DEPDC1B: variants seen among roughly 807,000 people sequenced by gnomAD.
DEPDC1B encodes DEP domain containing 1B, also known as DEP domain-containing protein 1B.
A neutral mutation model predicts 66.5 loss-of-function variants in DEPDC1B; 51 were observed. That is an observed-to-expected ratio of 0.77 (90% CI 0.61 to 0.97). The LOEUF is 0.97. Among genes scored for constraint, DEPDC1B ranks in the 50% least tolerant of loss-of-function variants. The probability of loss-of-function intolerance (pLI) is 0.00; values close to 1 mark genes in which losing one functional copy is unlikely to be tolerated. For synonymous variants in DEPDC1B, 226 were observed against 223.6 expected (o/e 1.01, Z -0.10); for missense variants, 552 against 637.1 (o/e 0.87, Z 1.44).
intron 1 of DEPDC1B, among the ~76,000 whole-genome samples, chr5:60,698,891 C>T (rs952253899): frequency 6.6e-6 from 1 of 152,116 alleles, no homozygotes; most frequent in African/African-American, 2.4e-5. Context: ...GTCTCGAACT[C>T]CTGACCTCAA....
intron 2 of DEPDC1B, among the ~76,000 whole-genome samples, chr5:60,649,354 G>T (rs1584064143): frequency 6.6e-6 from 1 of 152,122 alleles, no homozygotes; most frequent in African/African-American, 2.4e-5. Flanking sequence ...TGTGACTGAA[G>T]AAATACCAGG....
chr5:60,618,699 T>C (rs1027743940), intron 7 of DEPDC1B, among the ~76,000 whole-genome samples: 3 of 152,236 alleles, frequency 2.0e-5, no homozygotes, highest in African/African-American at 7.2e-5. Flanking sequence ...AGCCAAATTC[T>C]ACCACAGGTA....
intron 1 of DEPDC1B, among the ~76,000 whole-genome samples, chr5:60,698,253 C>T (rs115659812): frequency 0.013 from 1,982 of 152,324 alleles, 27 homozygotes; most frequent in African/African-American, 0.035. Flanking sequence ...TGATTCTTCC[C>T]ATCCTCTCCA....
In DEPDC1B at chr5:60,603,434, T is replaced by A; in HGVS notation, c.1199A>T (p.Gln400Leu). 6.2e-7 allele frequency: 1 copy of A among 1,611,932 alleles called. No individual in the cohort carries two copies. Among genetic ancestry groups the A allele is most frequent in the East Asian group, 2.2e-5 (1 of 44,778 alleles). The change falls in exon 9 of 11, where the codon CAG becomes CTG. Residue 400 changes from glutamine (Q) to leucine (L), a missense_variant. Coordinates refer to ENST00000265036, the MANE Select transcript of DEPDC1B (RefSeq NM_018369.3). ...QEILKVPLALQTSIEERVAHL... is the reference protein window; with the variant it reads ...QEILKVPLALLTSIEERVAHL... ...AGCCACACGCTCCTCTATAGAGGTC[T>A]GCAAGGCCAAAGGGACTTTCAGAAT...
At chr5:60,640,711 G>C (rs907982556) in intron 6 of DEPDC1B, among the ~76,000 whole-genome samples, 2 of 152,184 alleles carry the variant, frequency 1.3e-5, no homozygotes, top group East Asian at 3.9e-4. Flanking sequence ...ATGGGCTGAA[G>C]AGAAAGAGGT....
chr5:60,605,856 C>A lies in DEPDC1B; in HGVS notation c.899G>T (p.Gly300Val), dbSNP rs1174293414. 1 of 1,602,424 alleles carries A rather than the reference C, an allele frequency of 6.2e-7. No homozygotes were observed. Among genetic ancestry groups the A allele is most frequent in the Middle Eastern group, 1.7e-4 (1 of 5,942 alleles). ...HLFDAFVSVL[G>V]LLQKEKVAVE... ...TGCCACTTTCTCCTTCTGTAACAAA[C>A]CTGATTTAGAAAAAAAAAAATGTTA... is the stretch of plus-strand genomic sequence containing the variant. The change falls in exon 8 of 11, where the codon GGT becomes GTT. Residue 300 changes from glycine (G) to valine (V), a missense_variant and splice_region_variant. Coordinates refer to ENST00000265036, the MANE Select transcript of DEPDC1B (RefSeq NM_018369.3).
chr5:60,599,969 G>C (rs1752171251), intron 9 of DEPDC1B, among the ~76,000 whole-genome samples: 2 of 152,134 alleles, frequency 1.3e-5, no homozygotes, highest in Admixed American at 1.3e-4. Flanking sequence ...CACTGGGTTA[G>C]GGTCTCCACG....
intron 2 of DEPDC1B, among the ~76,000 whole-genome samples, chr5:60,681,007 A>G (rs1754284131): frequency 6.6e-6 from 1 of 152,220 alleles, no homozygotes. Flanking sequence ...AATCTTTACA[A>G]CTAGGATACT....
chr5:60,665,163 A>T (rs1753809137), intron 2 of DEPDC1B, among the ~76,000 whole-genome samples: 1 of 152,216 alleles, frequency 6.6e-6, no homozygotes, highest in Non-Finnish European at 1.5e-5. Context: ...TCACGAGGAC[A>T]TAGTTTCCTC....
At chr5:60,662,887 A>G (rs1753752184) in intron 2 of DEPDC1B, among the ~76,000 whole-genome samples, 1 of 152,138 alleles carries the variant, frequency 6.6e-6, no homozygotes, top group African/African-American at 2.4e-5. Flanking sequence ...CTGGACACTG[A>G]CGTGGCCTTC....
chr5:60,604,235 T>TTTTTTTTTTG (rs1186595757), intron 8 of DEPDC1B, among the ~76,000 whole-genome samples: 1 of 139,692 alleles, frequency 7.2e-6, no homozygotes, highest in Non-Finnish European at 1.6e-5. Flanking sequence ...TTTTTTTTTT[T>TTTTTTTTTTG]TTTTTTACGG....
At chr5:60,682,202 C>A (rs571838425) in intron 2 of DEPDC1B, among the ~76,000 whole-genome samples, 3 of 152,286 alleles carry the variant, frequency 2.0e-5, no homozygotes, top group African/African-American at 7.2e-5. Context: ...ATGATGAGTT[C>A]ATGTCCTTTG....
At chr5:60,607,225 C>T (rs571650419) in intron 7 of DEPDC1B, among the ~76,000 whole-genome samples, 2 of 152,278 alleles carry the variant, frequency 1.3e-5, no homozygotes, top group South Asian at 4.1e-4. Context: ...GATGAGGTCT[C>T]AGAAGGCCCT....
At position 60,625,682 on chromosome 5, in the gene DEPDC1B, A is replaced by C. The variant is rs1752794949; in HGVS notation, c.898+13068T>G. On this transcript the variant is annotated intron_variant, in intron 7 of 10. Coordinates refer to ENST00000265036, the MANE Select transcript of DEPDC1B (RefSeq NM_018369.3). ...TTAACAGCAGTCATAGGGGACAAAA[A>C]AAGATACATTCTACCCCCCTCCTCC... 3.3e-5 allele frequency among the ~76,000 whole-genome samples: 5 copies of C among 152,346 alleles called. No individual in the cohort carries two copies. The South Asian group carries it at 1.0e-3, about 32-fold the overall frequency.
At chr5:60,678,476 G>A (rs1003247910) in intron 2 of DEPDC1B, among the ~76,000 whole-genome samples, 1 of 152,132 alleles carries the variant, frequency 6.6e-6, no homozygotes, top group African/African-American at 2.4e-5. Context: ...AACTTTAAAA[G>A]AAACTAACTT....
At chr5:60,664,642 T>C (rs1011162723) in intron 2 of DEPDC1B, among the ~76,000 whole-genome samples, 6 of 152,186 alleles carry the variant, frequency 3.9e-5, no homozygotes, top group African/African-American at 1.4e-4. Context: ...TGTGTACTGA[T>C]GGAAGCTCCT....
At chr5:60,668,013 T>A (rs1584085846) in intron 2 of DEPDC1B, among the ~76,000 whole-genome samples, 1 of 81,422 alleles carries the variant, frequency 1.2e-5, no homozygotes, top group East Asian at 3.2e-4. Context: ...AATGGATATT[T>A]TATATATATA....
chr5:60,664,546 A>C (rs1307199718), intron 2 of DEPDC1B, among the ~76,000 whole-genome samples: 2 of 152,204 alleles, frequency 1.3e-5, no homozygotes, highest in Non-Finnish European at 2.9e-5. Context: ...AAAAGATAGA[A>C]CGTAACTGTC....
intron 2 of DEPDC1B, among the ~76,000 whole-genome samples, chr5:60,681,731 A>G (rs1384497639): frequency 6.6e-6 from 1 of 152,188 alleles, no homozygotes; most frequent in African/African-American, 2.4e-5. Context: ...GATACAAAAT[A>G]ACACAGACAG....
Sources: gnomAD v4.1 joint callset for allele counts (sites outside exome capture counted in the v4.1 genomes callset) on GRCh38, gnomAD v4.1.1 for gene constraint, MANE v1.5 for transcripts, NCBI Gene and HGNC (gene_info 2026-07-23, HGNC 2026-07-21) for gene names.